Variants in RGS9 observed in about 807,000 individuals in gnomAD.
The protein encoded by RGS9 is regulator of G-protein signalling 9.
Under a neutral mutation model 102.0 loss-of-function variants are expected in RGS9, and 78 were observed. That is an observed-to-expected ratio of 0.76 (90% CI 0.64 to 0.92). The LOEUF is 0.92. Ranked by LOEUF, RGS9 falls within the 40% of genes least tolerant of loss-of-function variation. The pLI is 0.00. For synonymous variants in RGS9, 353 were observed against 318.6 expected, an observed-to-expected ratio of 1.11 and a Z score of -1.15; for missense variants, 833 against 866.1, an observed-to-expected ratio of 0.96 and a Z score of 0.48.
chr17:65,161,253 G>A (rs1426358304), intron 6 of RGS9, among the ~76,000 whole-genome samples: 2 of 151,876 alleles, frequency 1.3e-5, no homozygotes, highest in Non-Finnish European at 2.9e-5. Flanking sequence ...AACTTGAATT[G>A]TTTTTTTTGT....
rs771325353 is a variant in RGS9, at chr17:65,225,052, C to A, written c.1458C>A (p.Thr486=). The A allele has an allele frequency of 2.5e-6, 4 of 1,614,052 alleles. No individual in the cohort carries two copies. The South Asian group carries it at 3.3e-5, about 13-fold the overall frequency. ...PSPHLTVYTG[T]CMPPSPSSPF... is the part of the protein sequence containing the mutation. ...CCCATCTGACCGTGTACACCGGGAC[C>A]TGCATGCCCCCGTCTCCTTCTAGCC... is the stretch of plus-strand genomic sequence containing the variant. The change falls in exon 18 of 19, where the codon ACC becomes ACA. Residue 486 remains threonine, a synonymous_variant. Transcript: ENST00000262406.
In RGS9 at chr17:65,197,185, T is replaced by C. The variant is rs1266276195; in HGVS notation, c.920T>C (p.Ile307Thr). 1.2e-6 allele frequency: 2 copies of C among 1,613,916 alleles called. No individual in the cohort carries two copies. The highest frequency in any genetic ancestry group is 2.7e-5 in the African/African-American group (2 of 74,908). The part of the protein sequence containing the change: ...ERWAFNFSEL[I>T]RDPKGRQSFQ... ...TGGGCCTTCAACTTCAGCGAATTGA[T>C]CCGAGACCCCAAAGGTCGACAGAGC... Residue 307 changes from isoleucine (I) to threonine (T), a missense_variant, in exon 13 of 19, where the codon ATC (isoleucine) becomes ACC (threonine). Transcript: ENST00000262406.
chr17:65,175,195 G>A (rs569433784), intron 8 of RGS9, among the ~76,000 whole-genome samples: 2 of 152,138 alleles, frequency 1.3e-5, no homozygotes, highest in South Asian at 4.2e-4. Context: ...GCATGCGTGT[G>A]TGAGTGTGCC....
chr17:65,142,749 A>G (rs1910206367), intron 1 of RGS9, among the ~76,000 whole-genome samples: 1 of 151,696 alleles, frequency 6.6e-6, no homozygotes, highest in African/African-American at 2.4e-5. Flanking sequence ...TGCCTGGCTA[A>G]TTTTTGTGTT....
At chr17:65,171,030 G>A (rs549066227) in intron 8 of RGS9, among the ~76,000 whole-genome samples, 27 of 152,228 alleles carry the variant, frequency 1.8e-4, no homozygotes, top group African/African-American at 5.8e-4. Context: ...CAAACAAACC[G>A]TCAGTTCAAT....
intron 17 of RGS9, among the ~76,000 whole-genome samples, chr17:65,215,552 TTG>T (rs201819411): frequency 0.034 from 3,034 of 89,544 alleles, 188 homozygotes; most frequent in African/African-American, 0.14. Context: ...TTCTTTTTTT[TTG>T]TTTTGAGACA....
chr17:65,137,590 T>C lies in RGS9; in HGVS notation c.50T>C (p.Leu17Pro), dbSNP rs1909956959. 6.2e-7 allele frequency: 1 copy of C among 1,613,416 alleles called. No individual in the cohort carries two copies. The highest frequency in any genetic ancestry group is 1.3e-5 in the African/African-American group (1 of 74,932). The change falls in exon 1 of 19, where the codon CTC becomes CCC. Residue 17 changes from leucine (L) to proline (P), a missense_variant. Around this residue, in one of 3 missense-constraint regions of RGS9, gnomAD observed 328 missense variants for 340.6 expected, o/e 0.96. Coordinates refer to ENST00000262406, the MANE Select transcript of RGS9 (RefSeq NM_003835.4). ...CAGTACAGGCCGAGGATGGCATTTC[T>C]CCAAAAGGTAACCCTGGCCCCTCAC... Reference protein sequence around the residue: ...GQQYRPRMAFLQKIEALVKDM... With the variant: ...GQQYRPRMAFPQKIEALVKDM...
At chr17:65,227,199 T>C in intron 18 of RGS9, 76 bp from the exon 19 acceptor site, 10 of 1,596,872 alleles carry the variant, frequency 6.3e-6, no homozygotes, top group Non-Finnish European at 7.7e-6. Flanking sequence ...TCTTCAAGGA[T>C]GTCAGGATGA....
At chr17:65,188,892 G>A (rs1912243609) in intron 9 of RGS9, 2 of 253,484 alleles carry the variant, frequency 7.9e-6, no homozygotes, top group South Asian at 9.9e-5. Flanking sequence ...TGGGATTACA[G>A]GCTTGAGCCA....
intron 2 of RGS9, among the ~76,000 whole-genome samples, chr17:65,155,658 G>T (rs963025913): frequency 6.6e-6 from 1 of 151,670 alleles, no homozygotes; most frequent in African/African-American, 2.4e-5. Flanking sequence ...CTCCTGCCTC[G>T]GTTTTCCAAA....
At chr17:65,212,378 A>G (rs753658060) in intron 17 of RGS9, among the ~76,000 whole-genome samples, 7 of 152,234 alleles carry the variant, frequency 4.6e-5, no homozygotes, top group Non-Finnish European at 1.0e-4. Context: ...GTACTGGGAT[A>G]GGAAAGATGG....
chr17:65,219,918 A>G (rs1913644764), intron 17 of RGS9, among the ~76,000 whole-genome samples: 1 of 151,592 alleles, frequency 6.6e-6, no homozygotes, highest in South Asian at 2.1e-4. Flanking sequence ...CACCATCACC[A>G]CCATATCATT....
intron 6 of RGS9, among the ~76,000 whole-genome samples, chr17:65,162,456 T>G (rs1032119499): frequency 6.6e-6 from 1 of 152,110 alleles, no homozygotes; most frequent in Non-Finnish European, 1.5e-5. Context: ...ATACATTTAT[T>G]TATTTATTTA....
At chr17:65,189,197 T>C in intron 9 of RGS9, 89 bp from the exon 10 acceptor site, 3 of 1,131,966 alleles carry the variant, frequency 2.7e-6, no homozygotes, top group Non-Finnish European at 4.0e-6. Context: ...ATTTTTCTCA[T>C]GGGGAAGGAT....
chr17:65,189,716 A>G (rs1912285833), intron 10 of RGS9, among the ~76,000 whole-genome samples: 1 of 152,198 alleles, frequency 6.6e-6, no homozygotes, highest in Non-Finnish European at 1.5e-5. Flanking sequence ...AGTCCTGGGA[A>G]CCATGGGGCA....
chr17:65,138,973 C>CTCCGGCAT (rs1377402528), intron 1 of RGS9, among the ~76,000 whole-genome samples: 3 of 108,676 alleles, frequency 2.8e-5, no homozygotes, highest in African/African-American at 7.4e-5. Context: ...CCCTCCTCCA[C>CTCCGGCAT]CCCAGCATCC....
chr17:65,225,588 A>G, intron 18 of RGS9, 102 bp downstream of exon 18: 1 of 1,547,646 alleles, frequency 6.5e-7, no homozygotes, highest in South Asian at 1.1e-5. Flanking sequence ...GGGATGGGTG[A>G]GAACAGATAC....
At chr17:65,201,720 G>A (rs28542898) in intron 13 of RGS9, among the ~76,000 whole-genome samples, 12,241 of 152,282 alleles carry the variant, frequency 0.08, 598 homozygotes, top group Middle Eastern at 0.14. Flanking sequence ...CATGGTAGGT[G>A]CCAATCTAGT....
intron 17 of RGS9, among the ~76,000 whole-genome samples, chr17:65,224,277 CCATGGTG>C (rs574249971): frequency 2.4e-4 from 36 of 152,360 alleles, no homozygotes; most frequent in Non-Finnish European, 4.6e-4. Context: ...GGGGCTGGGG[CCATGGTG>C]GCCCAGGAAG....
Sources: allele counts gnomAD v4.1 joint callset (sites outside exome capture counted in the v4.1 genomes callset), GRCh38; gene constraint gnomAD v4.1.1; regional missense constraint gnomAD v4.1.1; transcripts MANE v1.5; gene names NCBI Gene and HGNC (gene_info 2026-07-23, HGNC 2026-07-21).